The following DCT variants were observed in gnomAD, a reference collection of about 807,000 sequenced individuals.
DCT encodes L-dopachrome tautomerase.
In DCT, 47 loss-of-function variants were observed where a neutral mutation model predicts 53.0. The observed-to-expected ratio is 0.89, with a 90% CI of 0.70 to 1.13. The LOEUF (loss-of-function observed/expected upper bound fraction) is 1.13. Among genes scored for constraint, DCT ranks in the 50% most tolerant of loss-of-function variants. The probability of loss-of-function intolerance (pLI) is 0.00; values close to 1 mark genes in which losing one functional copy is unlikely to be tolerated. For synonymous variants in DCT, 244 were observed against 237.0 expected (o/e 1.03, Z -0.27); for missense variants, 669 against 637.4 (o/e 1.05, Z -0.53).
At chr13:94,470,412 C>A (rs1039005838) in intron 1 of DCT, among the ~76,000 whole-genome samples, 3 of 152,170 alleles carry the variant, frequency 2.0e-5, no homozygotes, top group Non-Finnish European at 4.4e-5. Context: ...AAGTTTACAT[C>A]CTTGTAGCTT....
chr13:94,479,905 C>T (rs1284549505), upstream of DCT, among the ~76,000 whole-genome samples: 2 of 152,182 alleles, frequency 1.3e-5, no homozygotes, highest in Non-Finnish European at 2.9e-5. Flanking sequence ...GTGCTCCAGC[C>T]AAACTTGTGA....
the DCT span, among the ~76,000 whole-genome samples, chr13:94,518,832 C>A: frequency 6.6e-6 from 1 of 152,178 alleles, no homozygotes; most frequent in Non-Finnish European, 1.5e-5. Flanking sequence ...TTAGCATGGA[C>A]TCCAGCTCTG....
At chr13:94,511,825 AGTGTGTGTGT>A in the DCT span, among the ~76,000 whole-genome samples, 179 of 143,816 alleles carry the variant, frequency 1.2e-3, 2 homozygotes, top group African/African-American at 3.5e-3. Flanking sequence ...CAGCATTGTC[AGTGTGTGTGT>A]GTGTGTGTGT....
chr13:94,460,575 C>A (rs1883715154), intron 5 of DCT, among the ~76,000 whole-genome samples: 1 of 151,994 alleles, frequency 6.6e-6, no homozygotes, highest in African/African-American at 2.4e-5. Context: ...TCAGTAAATT[C>A]TTTTATTTAA....
the DCT span, among the ~76,000 whole-genome samples, chr13:94,533,851 T>A: frequency 6.6e-6 from 1 of 152,196 alleles, no homozygotes; most frequent in Non-Finnish European, 1.5e-5. Context: ...CAGTAGGTCA[T>A]TGAAAAAGTT....
chr13:94,523,063 G>C, the DCT span, among the ~76,000 whole-genome samples: 1 of 152,166 alleles, frequency 6.6e-6, no homozygotes, highest in African/African-American at 2.4e-5. Context: ...CAGTAGAAGG[G>C]GGCCTGGGGT....
chr13:94,462,208 T>C lies in DCT; in HGVS notation c.864-19A>G. 1 of 1,593,398 alleles carries C rather than the reference T, an allele frequency of 6.3e-7. No homozygotes were observed. Among genetic ancestry groups the C allele is most frequent in the Non-Finnish European group, 8.6e-7 (1 of 1,161,714 alleles). ...ATCCAAGCTAAGATTTGTAATAAGA[T>C]TTAAAATAATATATGTTGGCTGGGC... On this transcript the variant is annotated intron_variant, in intron 4 of 7. Transcript: ENST00000377028.
intron 1 of DCT, among the ~76,000 whole-genome samples, chr13:94,476,536 C>T (rs1013208973): frequency 1.2e-4 from 18 of 144,526 alleles, no homozygotes; most frequent in Non-Finnish European, 2.2e-4. Flanking sequence ...CGTGCAGTGG[C>T]GCGATTTCAG....
chr13:94,464,429 C>T (rs1479990723), intron 4 of DCT, among the ~76,000 whole-genome samples: 1 of 152,118 alleles, frequency 6.6e-6, no homozygotes, highest in Non-Finnish European at 1.5e-5. Flanking sequence ...TACGTGAGGT[C>T]AGGAGATCGA....
chr13:94,482,699 A>C (rs544321842), upstream of DCT, among the ~76,000 whole-genome samples: 1 of 152,212 alleles, frequency 6.6e-6, no homozygotes, highest in Non-Finnish European at 1.5e-5. Flanking sequence ...TCAAAACTGT[A>C]TGTTCATCAA....
chr13:94,539,365 G>A, the DCT span, among the ~76,000 whole-genome samples: 128 of 152,246 alleles, frequency 8.4e-4, 2 homozygotes, highest in East Asian at 2.5e-3. Flanking sequence ...TTAAGGTGAC[G>A]CTAAAGGAAT....
chr13:94,448,450 T>C (rs1285055690), intron 6 of DCT, among the ~76,000 whole-genome samples: 2 of 152,212 alleles, frequency 1.3e-5, no homozygotes, highest in African/African-American at 2.4e-5. Flanking sequence ...TTTGTTAAAA[T>C]TGTGGGCATT....
chr13:94,482,779 T>C (rs912714970), upstream of DCT, among the ~76,000 whole-genome samples: 1 of 152,236 alleles, frequency 6.6e-6, no homozygotes, highest in African/African-American at 2.4e-5. Context: ...TATAAAACAC[T>C]TAGGCTTATA....
chr13:94,472,239 C>G (rs1312824961), intron 1 of DCT, among the ~76,000 whole-genome samples: 1 of 151,714 alleles, frequency 6.6e-6, no homozygotes, highest in African/African-American at 2.4e-5. Flanking sequence ...ATTTAACAAA[C>G]AATTTATTGA....
intron 6 of DCT, among the ~76,000 whole-genome samples, chr13:94,449,045 C>T (rs1171812778): frequency 6.6e-6 from 1 of 151,488 alleles, no homozygotes; most frequent in East Asian, 1.9e-4. Context: ...TAAACCTATT[C>T]TGTCTTGTTC....
chr13:94,440,025 C>T lies in DCT; in HGVS notation c.1433G>A (p.Gly478Glu). Residue 478 changes from glycine (G) to glutamate (E), a missense_variant, in exon 8 of 8, where the codon GGA (glycine) becomes GAA (glutamate). Transcript: ENST00000377028. ...GWPTTLLVVMGTLVALVGLFV... is the reference protein window; with the variant it reads ...GWPTTLLVVMETLVALVGLFV... ...AAGACCAACCAAAGCCACCAGTGTTCCCATGACTACTAAGAGAGTTGTGGG... is the reference window on the plus strand; with the variant it reads ...AAGACCAACCAAAGCCACCAGTGTTTCCATGACTACTAAGAGAGTTGTGGG... 2 of 1,614,050 alleles carry T rather than the reference C, an allele frequency of 1.2e-6. No individual in the cohort carries two copies. Among genetic ancestry groups the T allele is most frequent in the Non-Finnish European group, 8.5e-7 (1 of 1,179,944 alleles).
At chr13:94,511,233 G>A in the DCT span, among the ~76,000 whole-genome samples, 1 of 152,076 alleles carries the variant, frequency 6.6e-6, no homozygotes, top group Non-Finnish European at 1.5e-5. Flanking sequence ...TGCCCCTCCA[G>A]CTACATTGAA....
At chr13:94,512,351 T>A in the DCT span, among the ~76,000 whole-genome samples, 8 of 152,148 alleles carry the variant, frequency 5.3e-5, no homozygotes, top group East Asian at 1.5e-3. Flanking sequence ...GATTCTCTAA[T>A]CTAAAGAAAT....
rs775973045 is a variant in DCT, at chr13:94,468,720, T to C, written c.595+26A>G. 6 of 1,598,140 alleles carry C rather than the reference T, an allele frequency of 3.8e-6. No individual in the cohort carries two copies. In the Admixed American group the frequency reaches 5.1e-5, roughly 14 times the overall value. On this transcript the variant is annotated intron_variant, in intron 2 of 7. Transcript: ENST00000377028. Reference sequence around the variant, plus strand: ...ACCCAATCACAAACCTGTAATAATATACCTTCAGCCAAGGAAAAAACCCAC... The same window carrying C: ...ACCCAATCACAAACCTGTAATAATACACCTTCAGCCAAGGAAAAAACCCAC...
Sources: gnomAD v4.1 joint callset for allele counts (sites outside exome capture counted in the v4.1 genomes callset) on GRCh38, gnomAD v4.1.1 for gene constraint, MANE v1.5 for transcripts, NCBI Gene and HGNC (gene_info 2026-07-23, HGNC 2026-07-21) for gene names.